The following CNTNAP2 variants were observed in gnomAD, a reference collection of about 807,000 sequenced individuals.
CNTNAP2 encodes contactin-associated protein-like 2.
In CNTNAP2, 98 loss-of-function variants were observed where a neutral mutation model predicts 155.2. The observed-to-expected ratio is 0.63, with a 90% CI of 0.54 to 0.75. The LOEUF (loss-of-function observed/expected upper bound fraction) is 0.75. CNTNAP2 is among the 30% of genes least tolerant of loss of function. The pLI, the probability that CNTNAP2 is intolerant of heterozygous loss-of-function variation, is 0.00. For missense variants in CNTNAP2, 1,727 were observed against 1,688.1 expected, an observed-to-expected ratio of 1.02 and a Z score of -0.40; for synonymous variants, 651 against 631.2, an observed-to-expected ratio of 1.03 and a Z score of -0.47.
At chr7:146,387,252 T>G (rs1167135643) in intron 1 of CNTNAP2, among the ~76,000 whole-genome samples, 1 of 152,180 alleles carries the variant, frequency 6.6e-6, no homozygotes, top group African/African-American at 2.4e-5. Context: ...CCAGAGCACC[T>G]GCACTGGAGG....
chr7:147,461,510 T>C (rs531072274), intron 10 of CNTNAP2, among the ~76,000 whole-genome samples: 89 of 152,340 alleles, frequency 5.8e-4, no homozygotes, highest in Middle Eastern at 6.8e-3. Context: ...TGGCACATCA[T>C]TTCATGACCA....
chr7:148,375,925 G>T (rs1798976380), intron 21 of CNTNAP2, among the ~76,000 whole-genome samples: 1 of 59,204 alleles, frequency 1.7e-5, no homozygotes, highest in Non-Finnish European at 4.6e-5. Flanking sequence ...GCTTGAACCT[G>T]GGAGGTGGAG....
intron 10 of CNTNAP2, among the ~76,000 whole-genome samples, chr7:147,409,244 A>G (rs1221443849): frequency 1.3e-5 from 2 of 152,162 alleles, no homozygotes; most frequent in Non-Finnish European, 2.9e-5. Context: ...ATAGAAGTGC[A>G]GGTACACTTA....
intron 13 of CNTNAP2, among the ~76,000 whole-genome samples, chr7:147,642,464 T>C (rs1260121798): frequency 1.3e-5 from 2 of 152,084 alleles, no homozygotes; most frequent in Non-Finnish European, 2.9e-5. Flanking sequence ...GCATCTTTCT[T>C]TCCCCCTCAT....
intron 21 of CNTNAP2, among the ~76,000 whole-genome samples, chr7:148,287,788 TTTTTTTC>T (rs1372983877): frequency 2.4e-4 from 4 of 16,854 alleles, no homozygotes; most frequent in Non-Finnish European, 3.4e-4. Flanking sequence ...TCTTTCTTTC[TTTTTTTC>T]TTTTTTTTTT....
intron 13 of CNTNAP2, among the ~76,000 whole-genome samples, chr7:147,674,229 G>C (rs1329199584): frequency 1.3e-5 from 2 of 152,112 alleles, no homozygotes; most frequent in Non-Finnish European, 2.9e-5. Context: ...GAAAGATGTA[G>C]GTGCTATTTA....
chr7:147,901,280 T>C (rs896014138), intron 13 of CNTNAP2, among the ~76,000 whole-genome samples: 2 of 152,212 alleles, frequency 1.3e-5, no homozygotes, highest in African/African-American at 4.8e-5. Context: ...TTCCTGTTGA[T>C]CTTTTGAAAC....
intron 8 of CNTNAP2, among the ~76,000 whole-genome samples, chr7:147,256,646 C>T (rs535179485): frequency 1.7e-4 from 26 of 152,118 alleles, no homozygotes; most frequent in Middle Eastern, 3.4e-3. Flanking sequence ...ATTACAGAAG[C>T]AGGGAACAGG....
intron 21 of CNTNAP2, among the ~76,000 whole-genome samples, chr7:148,277,589 G>A (rs74336416): frequency 8.4e-5 from 12 of 143,036 alleles, no homozygotes; most frequent in South Asian, 6.8e-4. Context: ...GTACAGGACC[G>A]CCCCCCACCA....
intron 3 of CNTNAP2, among the ~76,000 whole-genome samples, chr7:146,899,969 G>A (rs1268954290): frequency 6.6e-6 from 1 of 152,170 alleles, no homozygotes; most frequent in Non-Finnish European, 1.5e-5. Flanking sequence ...AAAGTTAGAA[G>A]TAAGCAATAG....
intron 13 of CNTNAP2, among the ~76,000 whole-genome samples, chr7:147,686,801 A>G (rs1460089923): frequency 3.3e-5 from 5 of 151,904 alleles, no homozygotes; most frequent in African/African-American, 1.2e-4. Context: ...GAGGCAGTAC[A>G]TTTTTGCTTA....
intron 14 of CNTNAP2, among the ~76,000 whole-genome samples, chr7:147,933,311 C>A (rs758532418): frequency 1.3e-5 from 2 of 152,012 alleles, no homozygotes; most frequent in African/African-American, 4.8e-5. Flanking sequence ...TTAATAAGTC[C>A]ACTTCTGGCC....
intron 8 of CNTNAP2, among the ~76,000 whole-genome samples, chr7:147,209,001 T>G (rs188165063): frequency 6.6e-6 from 1 of 152,020 alleles, no homozygotes; most frequent in Non-Finnish European, 1.5e-5. Flanking sequence ...GTTAGATATA[T>G]AATCTGTTTG....
At chr7:148,226,922 C>T (rs1795862803) in intron 19 of CNTNAP2, among the ~76,000 whole-genome samples, 1 of 152,186 alleles carries the variant, frequency 6.6e-6, no homozygotes, top group Non-Finnish European at 1.5e-5. Flanking sequence ...TAAAACTTGC[C>T]GCAGTCTCTC....
intron 3 of CNTNAP2, among the ~76,000 whole-genome samples, chr7:146,994,463 GA>G (rs1798270533): frequency 6.6e-6 from 1 of 152,022 alleles, no homozygotes; most frequent in Non-Finnish European, 1.5e-5. Context: ...GCAATTTTTC[GA>G]GCTATATACA....
intron 14 of CNTNAP2, among the ~76,000 whole-genome samples, chr7:147,952,924 C>G (rs1030053681): frequency 1.3e-5 from 2 of 152,054 alleles, no homozygotes; most frequent in African/African-American, 4.8e-5. Context: ...TAGGGAATAG[C>G]TAGTCTAATT....
intron 20 of CNTNAP2, among the ~76,000 whole-genome samples, chr7:148,239,245 C>T (rs186235211): frequency 1.8e-4 from 28 of 152,314 alleles, no homozygotes; most frequent in African/African-American, 5.8e-4. Flanking sequence ...AGCACTGGCT[C>T]TCTATTGGGA....
intron 1 of CNTNAP2, among the ~76,000 whole-genome samples, chr7:146,729,656 T>A (rs952022628): frequency 2.0e-5 from 3 of 151,926 alleles, no homozygotes; most frequent in Non-Finnish European, 4.4e-5. Flanking sequence ...CAGGCTAGAG[T>A]TTATTAAATT....
chr7:146,885,599 A>G (rs1244573235), intron 3 of CNTNAP2, among the ~76,000 whole-genome samples: 2 of 152,208 alleles, frequency 1.3e-5, no homozygotes, highest in Non-Finnish European at 2.9e-5. Flanking sequence ...ATCTTTAATT[A>G]TTTAAGATTT....
Sources: gnomAD v4.1 joint callset for allele counts (sites outside exome capture counted in the v4.1 genomes callset) on GRCh38, gnomAD v4.1.1 for gene constraint, MANE v1.5 for transcripts, NCBI Gene and HGNC (gene_info 2026-07-23, HGNC 2026-07-21) for gene names.